DMD: variants seen among roughly 807,000 people sequenced by gnomAD.
DMD encodes the protein mutant dystrophin.
In DMD, 63 loss-of-function variants were observed where a neutral mutation model predicts 330.1. The observed-to-expected ratio is 0.19, with a 90% confidence interval of 0.16 to 0.24. DMD has a LOEUF of 0.24. Among genes scored for constraint, DMD ranks in the 10% least tolerant of loss-of-function variants. The pLI is 1.00. For synonymous variants in DMD, 1,223 were observed against 959.8 expected (o/e 1.27, Z -5.07); for missense variants, 3,344 against 2,684.1 (o/e 1.25, Z -5.43).
chrX:31,277,518 T>C (rs2052239320), intron 62 of DMD, among the ~76,000 whole-genome samples: 1 of 111,807 alleles, frequency 8.9e-6, no homozygotes, highest in African/African-American at 3.3e-5. Context: ...TGGAATGACT[T>C]AGATTGAATA....
intron 30 of DMD, among the ~76,000 whole-genome samples, chrX:32,394,916 C>CAAAAAAAAAAAAAAAA (rs72234458): frequency 1.8e-4 from 7 of 39,000 alleles, no homozygotes; most frequent in Admixed American, 8.3e-4. Flanking sequence ...AACAAAAAAA[C>CAAAAAAAAAAAAAAAA]AAAAAAAAAA....
intron 52 of DMD, among the ~76,000 whole-genome samples, chrX:31,701,469 G>T (rs2083805341): frequency 9.0e-6 from 1 of 111,638 alleles, no homozygotes; most frequent in Non-Finnish European, 1.9e-5. Context: ...CTTCTCTTCA[G>T]ATTTAGGTGT....
chrX:31,626,736 G>A (rs1400824638), intron 55 of DMD, among the ~76,000 whole-genome samples: 1 of 111,788 alleles, frequency 8.9e-6, no homozygotes, highest in Admixed American at 9.5e-5. Flanking sequence ...ATTATGATTT[G>A]ATTCTGGAAT....
Position 32,743,345 on chromosome X carries a change from T to C in DMD, c.650-44052A>G, listed in dbSNP as rs182823306. 1.2e-3 allele frequency among the ~76,000 whole-genome samples: 139 copies of C among 111,792 alleles called. 1 individual carries two copies. The highest frequency in any genetic ancestry group is 4.3e-3 in the African/African-American group (133 of 30,766). The stretch of plus-strand genomic sequence containing the variant: ...GTAGTCTTCATTGACTTTCCTTCCT[T>C]CTTTGTCTCACTTTATCATTTTCCT... On this transcript the variant is annotated intron_variant, in intron 7 of 78. Coordinates refer to ENST00000357033, the MANE Select transcript of DMD (RefSeq NM_004006.3).
intron 49 of DMD, among the ~76,000 whole-genome samples, chrX:31,831,629 C>T (rs1603483264): frequency 9.0e-6 from 1 of 111,308 alleles, no homozygotes; most frequent in Non-Finnish European, 1.9e-5. Flanking sequence ...GATGGAGTCT[C>T]ACTCTGTCAC....
intron 67 of DMD, among the ~76,000 whole-genome samples, chrX:31,201,408 C>G (rs1250722969): frequency 8.9e-6 from 1 of 112,246 alleles, no homozygotes; most frequent in East Asian, 2.8e-4. Flanking sequence ...TTTCAAAGAG[C>G]TTGGAGACTG....
intron 2 of DMD, among the ~76,000 whole-genome samples, chrX:32,868,167 T>C (rs1020421544): frequency 2.3e-4 from 26 of 111,860 alleles, no homozygotes; most frequent in Admixed American, 1.9e-4. Flanking sequence ...AGTGAGTGAT[T>C]GTCCTACCCT....
At chrX:31,351,671 C>T (rs550656619) in intron 60 of DMD, among the ~76,000 whole-genome samples, 1 of 95,688 alleles carries the variant, frequency 1.0e-5, no homozygotes, top group South Asian at 5.3e-4. Flanking sequence ...GGTTGCAGTG[C>T]GCCGAGATCG....
chrX:32,784,213 C>A (rs758361590), intron 7 of DMD, among the ~76,000 whole-genome samples: 25 of 111,818 alleles, frequency 2.2e-4, no homozygotes, highest in Admixed American at 3.8e-4. Flanking sequence ...TATAGAGAAG[C>A]AGCGTTTCTA....
chrX:31,568,295 C>T (rs1012521929), intron 55 of DMD, among the ~76,000 whole-genome samples: 3 of 111,228 alleles, frequency 2.7e-5, no homozygotes, highest in African/African-American at 9.8e-5. Flanking sequence ...TGGTGTTGTT[C>T]AGTTCTCTTT....
intron 1 of DMD, among the ~76,000 whole-genome samples, chrX:33,079,389 A>C (rs2094892421): frequency 8.9e-6 from 1 of 112,022 alleles, no homozygotes; most frequent in Non-Finnish European, 1.9e-5. Flanking sequence ...GAGTAGCCAG[A>C]GTTAAAGACA....
At chrX:32,901,340 A>C (rs2086222838) in intron 2 of DMD, among the ~76,000 whole-genome samples, 1 of 111,702 alleles carries the variant, frequency 9.0e-6, no homozygotes. Context: ...TGAAAAGGTT[A>C]ATTTTCTTCT....
intron 1 of DMD, among the ~76,000 whole-genome samples, chrX:33,320,895 T>A (rs1267266037): frequency 8.9e-6 from 1 of 112,164 alleles, no homozygotes; most frequent in Non-Finnish European, 1.9e-5. Context: ...GTAAATTTTA[T>A]CTCAAGAAAG....
At position 33,020,150 on chromosome X, in the gene DMD, G is replaced by C. The variant is rs1477536019; in HGVS notation, c.82C>G (p.Gln28Glu). Reference protein sequence around the residue: ...KKTFTKWVNAQFSKFGKQHIE... With the variant: ...KKTFTKWVNAEFSKFGKQHIE... ...CAAACCATTCTTACCTTAGAAAATTGTGCATTTACCCATTTTGTGAATGTT... is the reference window on the plus strand; with the variant it reads ...CAAACCATTCTTACCTTAGAAAATTCTGCATTTACCCATTTTGTGAATGTT... Residue 28 changes from glutamine (Q) to glutamate (E), a missense_variant, in exon 2 of 79, where the codon CAA (glutamine) becomes GAA (glutamate). Coordinates refer to ENST00000357033, the MANE Select transcript of DMD (RefSeq NM_004006.3). The C allele has an allele frequency of 8.4e-7, 1 of 1,188,708 alleles. No individual in the cohort carries two copies. Among genetic ancestry groups the C allele is most frequent in the Non-Finnish European group, 1.1e-6 (1 of 878,492 alleles).
In DMD at chrX:32,784,076, C is replaced by T. The variant is rs531849222; in HGVS notation, c.649+25417G>A. Among the ~76,000 whole-genome samples, 49 of 110,285 alleles carry T rather than the reference C, an allele frequency of 4.4e-4. 1 individual carries two copies. In the South Asian group the frequency reaches 0.018, roughly 40 times the overall value. Reference sequence around the variant, plus strand: ...GACAAATTAAATCATTTTTAAATAGCCCCAGGATGATCTCAGCCATTAAAG... The same window carrying T: ...GACAAATTAAATCATTTTTAAATAGTCCCAGGATGATCTCAGCCATTAAAG... On this transcript the variant is annotated intron_variant, in intron 7 of 78. Transcript: ENST00000357033.
rs753410136 is a variant in DMD at position 32,033,074 on chromosome X, A to G, written c.6439-64560T>C. 2.7e-5 allele frequency among the ~76,000 whole-genome samples: 3 copies of G among 112,517 alleles called. No individual in the cohort carries two copies. The East Asian group carries it at 8.5e-4, about 32-fold the overall frequency. ...CCTTTATAAAAGGAAATTCTGCAAT[A>G]TGAAACAATATGGATGGACCTTAAG... On this transcript the variant is annotated intron_variant, in intron 44 of 78. Transcript: ENST00000357033.
intron 63 of DMD, among the ~76,000 whole-genome samples, chrX:31,232,800 G>T (rs745998300): frequency 4.8e-4 from 54 of 111,836 alleles, no homozygotes; most frequent in African/African-American, 1.8e-3. Flanking sequence ...GGAAGTGGGA[G>T]AAGGCACTGG....
At chrX:32,717,749 A>T (rs1016551006) in intron 7 of DMD, among the ~76,000 whole-genome samples, 1 of 111,130 alleles carries the variant, frequency 9.0e-6, no homozygotes, top group Non-Finnish European at 1.9e-5. Flanking sequence ...GAAAACAACT[A>T]AGGGTGCTGT....
intron 62 of DMD, among the ~76,000 whole-genome samples, chrX:31,316,598 T>C (rs912644985): frequency 1.8e-5 from 2 of 111,812 alleles, no homozygotes; most frequent in East Asian, 5.6e-4. Flanking sequence ...CACAACACTA[T>C]GGCACCCCTT....
Sources: allele counts gnomAD v4.1 joint callset (sites outside exome capture counted in the v4.1 genomes callset), GRCh38; gene constraint gnomAD v4.1.1; transcripts MANE v1.5; gene names NCBI Gene and HGNC (gene_info 2026-07-23, HGNC 2026-07-21).